Variants in MCMDC2 observed in about 807,000 individuals in gnomAD.
MCMDC2 encodes the protein minichromosome maintenance domain containing 2.
In MCMDC2, 54 loss-of-function variants were observed where a neutral mutation model predicts 75.8. The ratio of observed to expected loss-of-function variants is 0.71; its 90% confidence interval spans 0.57 to 0.89. MCMDC2 has a LOEUF of 0.89. Among genes scored for constraint, MCMDC2 ranks in the 40% least tolerant of loss-of-function variants. The probability of loss-of-function intolerance (pLI) is 0.00; values close to 1 mark genes in which losing one functional copy is unlikely to be tolerated. For synonymous variants in MCMDC2, 249 were observed against 274.6 expected (o/e 0.91, Z 0.92); for missense variants, 656 against 780.4 (o/e 0.84, Z 1.90).
chr8:66,891,741 A>T (rs1401546818), intron 10 of MCMDC2, among the ~76,000 whole-genome samples: 1 of 152,206 alleles, frequency 6.6e-6, no homozygotes, highest in Non-Finnish European at 1.5e-5. Flanking sequence ...CCTGCTGAGG[A>T]TAAGCCAGGA....
intron 4 of MCMDC2, among the ~76,000 whole-genome samples, chr8:66,876,954 G>C (rs2130793531): frequency 6.6e-6 from 1 of 152,128 alleles, no homozygotes; most frequent in South Asian, 2.1e-4. Flanking sequence ...TAGAGAAGGG[G>C]TTTCACCATG....
intron 8 of MCMDC2, among the ~76,000 whole-genome samples, chr8:66,881,819 G>A (rs1034307542): frequency 2.6e-5 from 4 of 152,188 alleles, no homozygotes; most frequent in Non-Finnish European, 4.4e-5. Flanking sequence ...TCCAACATGC[G>A]TTAGCATTAT....
Position 66,920,770 on chromosome 8 carries a change from G to A in MCMDC2, c.*1601G>A, listed in dbSNP as rs535104300. The A allele has an allele frequency of 1.3e-5, 2 of 152,122 alleles. No homozygotes were observed. The highest frequency in any genetic ancestry group is 2.1e-4 in the South Asian group (1 of 4,816). 9.4% of individuals were successfully genotyped at this position (152,122 alleles called of 1,614,324 possible). A position where few individuals can be genotyped will look rare whatever the true frequency, so the allele number is the denominator to read the frequency against. On this transcript the variant is annotated 3_prime_UTR_variant, in exon 15 of 15. Coordinates refer to ENST00000422365, the MANE Select transcript of MCMDC2 (RefSeq NM_173518.5). ...CTCAGCTCCCTGCAGCCTTGACCTT[G>A]CAAGTAATTCTCCCACCTTAGGCCT...
chr8:66,890,095 C>G (rs1812029346), intron 9 of MCMDC2, among the ~76,000 whole-genome samples: 1 of 152,188 alleles, frequency 6.6e-6, no homozygotes, highest in Admixed American at 6.5e-5. Flanking sequence ...GAGACAGAGT[C>G]TTGCTCCGTC....
At chr8:66,918,066 ATT>A (rs1328129908) in intron 14 of MCMDC2, among the ~76,000 whole-genome samples, 1 of 152,066 alleles carries the variant, frequency 6.6e-6, no homozygotes, top group East Asian at 1.9e-4. Context: ...AACACTTGTC[ATT>A]TTGTTTTTTA....
At position 66,874,550 on chromosome 8, in the gene MCMDC2, T is replaced by G; in HGVS notation, c.249T>G (p.Thr83=). ...AGGTCTGTTTTATTGCTGTTAAGAC[T>G]CTCTCATTAATTGGACAATTGCAGA... The part of the protein sequence containing the change: ...FQSVCFIAVK[T]LSLIGQLQTE... Residue 83 remains threonine, a synonymous_variant, in exon 4 of 15, where the codon ACT becomes ACG. Coordinates refer to ENST00000422365, the MANE Select transcript of MCMDC2 (RefSeq NM_173518.5). 6.2e-7 allele frequency: 1 copy of G among 1,613,328 alleles called. No individual in the cohort carries two copies. The highest frequency in any genetic ancestry group is 8.5e-7 in the Non-Finnish European group (1 of 1,179,752).
At chr8:66,912,941 TAAATA>T (rs1402420906) in intron 14 of MCMDC2, among the ~76,000 whole-genome samples, 1 of 149,872 alleles carries the variant, frequency 6.7e-6, no homozygotes, top group Non-Finnish European at 1.5e-5. Context: ...ATAAAAAACA[TAAATA>T]AAATAAAAAT....
At chr8:66,873,750 G>A (rs1811134717) in intron 1 of MCMDC2, among the ~76,000 whole-genome samples, 1 of 152,084 alleles carries the variant, frequency 6.6e-6, no homozygotes, top group Non-Finnish European at 1.5e-5. Flanking sequence ...AGCCGGGCAT[G>A]GTGGCACACA....
chr8:66,880,481 CAAAT>C (rs1480849789), intron 7 of MCMDC2, among the ~76,000 whole-genome samples: 3 of 152,174 alleles, frequency 2.0e-5, no homozygotes, highest in African/African-American at 4.8e-5. Flanking sequence ...ATTTTCCTCT[CAAAT>C]AAAATTATCA....
intron 10 of MCMDC2, among the ~76,000 whole-genome samples, chr8:66,894,913 C>T (rs1239676455): frequency 3.3e-5 from 5 of 152,188 alleles, no homozygotes; most frequent in South Asian, 2.1e-4. Context: ...CCCTGCCTCC[C>T]GTCACCTACT....
At chr8:66,879,407 A>T (rs1025628181) in intron 7 of MCMDC2, among the ~76,000 whole-genome samples, 7 of 152,226 alleles carry the variant, frequency 4.6e-5, no homozygotes, top group Non-Finnish European at 8.8e-5. Context: ...AGCCTGGCCA[A>T]CATGGTGAAA....
chr8:66,871,756 T>A (rs1206375925), intron 1 of MCMDC2, among the ~76,000 whole-genome samples: 4 of 151,716 alleles, frequency 2.6e-5, no homozygotes, highest in Non-Finnish European at 5.9e-5. Context: ...ACAAAAAAAT[T>A]AAAAATTATC....
intron 9 of MCMDC2, among the ~76,000 whole-genome samples, chr8:66,888,567 A>G (rs1018514898): frequency 6.6e-6 from 1 of 152,212 alleles, no homozygotes; most frequent in Non-Finnish European, 1.5e-5. Flanking sequence ...ATGTTTTTAT[A>G]AAGGTCATGC....
In MCMDC2 at chr8:66,877,382, C is replaced by A. The variant is rs745439331; in HGVS notation, c.319C>A (p.Pro107Thr). ...NIVLKLTHLP[P>T]LPSYGLDLCE... Reference sequence around the variant, plus strand: ...AGTGCTGAAATTAACACATTTACCTCCCCTGCCAAGTTATGGTCTTGATCT... The same window carrying A: ...AGTGCTGAAATTAACACATTTACCTACCCTGCCAAGTTATGGTCTTGATCT... Residue 107 changes from proline (P) to threonine (T), a missense_variant, in exon 5 of 15, where the codon CCC becomes ACC. Pro to Thr is a conservative substitution (Grantham distance 38, BLOSUM62 -1). Coordinates refer to ENST00000422365, the MANE Select transcript of MCMDC2 (RefSeq NM_173518.5). 6.2e-7 allele frequency: 1 copy of A among 1,611,932 alleles called. No homozygotes were observed. The highest frequency in any genetic ancestry group is 1.3e-5 in the African/African-American group (1 of 74,922).
At chr8:66,895,264 A>G (rs1443303872) in intron 10 of MCMDC2, among the ~76,000 whole-genome samples, 1 of 152,198 alleles carries the variant, frequency 6.6e-6, no homozygotes. Context: ...GGTTGAATCT[A>G]CAGATGCAGA....
intron 12 of MCMDC2, among the ~76,000 whole-genome samples, chr8:66,899,892 C>G (rs181710476): frequency 1.3e-5 from 2 of 150,354 alleles, no homozygotes; most frequent in African/African-American, 4.9e-5. Flanking sequence ...GAGGCTGAGG[C>G]GGGCAGATCA....
chr8:66,918,983 CTAT>C lies in MCMDC2; in HGVS notation c.1880-16_1880-14del. On this transcript the variant is annotated splice_polypyrimidine_tract_variant and intron_variant, in intron 14 of 14. Transcript: ENST00000422365. The stretch of plus-strand genomic sequence containing the variant: ...TTAAGGAGTATTTGTCATTTACACT[CTAT>C]TATCTTCTTCATTTAGGGGCCACTG... 1 of 1,477,138 alleles carries C rather than the reference CTAT, an allele frequency of 6.8e-7. No individual in the cohort carries two copies. Among genetic ancestry groups the C allele is most frequent in the Non-Finnish European group, 9.0e-7 (1 of 1,108,972 alleles). The allele number at this position is 1,477,138 out of a possible 1,614,324, so 91.5% of individuals were successfully genotyped here. A position where few individuals can be genotyped will look rare whatever the true frequency, so the allele number is the denominator to read the frequency against.
At chr8:66,922,460 G>C, downstream of MCMDC2, 1 of 517,650 alleles carries the variant, frequency 1.9e-6, no homozygotes, top group Non-Finnish European at 3.9e-6. Context: ...ATTAATCAAT[G>C]TACAGTACTG....
chr8:66,879,027 G>T (rs1318674819), intron 7 of MCMDC2, 108 bp downstream of exon 7: 9 of 698,810 alleles, frequency 1.3e-5, no homozygotes, highest in Non-Finnish European at 2.3e-5. Flanking sequence ...AGGCTGAGGT[G>T]GGAGGATCAC....
Sources: allele counts gnomAD v4.1 joint callset (sites outside exome capture counted in the v4.1 genomes callset), GRCh38; gene constraint gnomAD v4.1.1; transcripts MANE v1.5; gene names NCBI Gene and HGNC (gene_info 2026-07-23, HGNC 2026-07-21).